Variants in CFAP251 observed in about 807,000 individuals in gnomAD.
CFAP251 encodes cilia and flagella associated protein 251.
Under a neutral mutation model 126.7 loss-of-function variants are expected in CFAP251, and 93 were observed. The observed-to-expected ratio is 0.73, with a 90% CI of 0.62 to 0.87. CFAP251 has a LOEUF of 0.87. Among genes scored for constraint, CFAP251 ranks in the 40% least tolerant of loss-of-function variants. The pLI, the probability that CFAP251 is intolerant of heterozygous loss-of-function variation, is 0.00. For synonymous variants in CFAP251, 503 were observed against 506.9 expected (o/e 0.99, Z 0.10); for missense variants, 1,287 against 1,389.2 (o/e 0.93, Z 1.17).
intron 12 of CFAP251, 122 bp from the exon 13 acceptor site, chr12:121,958,821 G>A (rs780162849): frequency 1.8e-5 from 22 of 1,241,998 alleles, no homozygotes; most frequent in East Asian, 4.7e-5. Context: ...TCATTTCTCC[G>A]CACGGGAGCT....
chr12:121,936,336 A>G (rs1336392280), intron 5 of CFAP251, among the ~76,000 whole-genome samples: 2 of 152,164 alleles, frequency 1.3e-5, no homozygotes, highest in Non-Finnish European at 2.9e-5. Flanking sequence ...AGTCCCAGCT[A>G]CGCGGGAGGC....
At chr12:121,994,977 AT>A (rs201458816) in intron 19 of CFAP251, among the ~76,000 whole-genome samples, 1,707 of 150,198 alleles carry the variant, frequency 0.011, 30 homozygotes, top group African/African-American at 0.038. Context: ...TAAAAAAAAA[AT>A]AATAATCACA....
intron 17 of CFAP251, chr12:121,969,089 C>T: frequency 2.0e-6 from 2 of 985,344 alleles, no homozygotes; most frequent in Non-Finnish European, 2.4e-6. Context: ...CGTTGAGGAG[C>T]AAAAACAGCT....
intron 1 of CFAP251, among the ~76,000 whole-genome samples, chr12:121,920,632 G>A (rs1170787331): frequency 2.0e-5 from 3 of 151,926 alleles, no homozygotes; most frequent in East Asian, 1.9e-4. Flanking sequence ...TCCTGACCTC[G>A]TGATCCACCC....
chr12:121,945,117 A>G (rs1881267650), intron 7 of CFAP251, among the ~76,000 whole-genome samples: 1 of 151,764 alleles, frequency 6.6e-6, no homozygotes. Context: ...CTTCTTGGGT[A>G]TTGTCATCTA....
At chr12:121,966,451 T>TTTA (rs71082920) in intron 15 of CFAP251, among the ~76,000 whole-genome samples, 1 of 122,922 alleles carries the variant, frequency 8.1e-6, no homozygotes, top group Admixed American at 8.6e-5. Context: ...TTTTTTTTTT[T>TTTA]AGTAGAGGTG....
chr12:121,954,645 A>AAAAAAAC (rs1881654889), intron 10 of CFAP251, among the ~76,000 whole-genome samples: 1 of 134,244 alleles, frequency 7.4e-6, no homozygotes, highest in Non-Finnish European at 1.7e-5. Context: ...TTAAAAAAAA[A>AAAAAAAC]AAAAAAAAAA....
chr12:121,938,742 G>T (rs1880988405), intron 5 of CFAP251, among the ~76,000 whole-genome samples: 1 of 151,212 alleles, frequency 6.6e-6, no homozygotes, highest in Admixed American at 6.6e-5. Flanking sequence ...CAGCACTTTG[G>T]GAGGCCGAGG....
At chr12:121,948,776 A>C (rs577403965) in intron 7 of CFAP251, 3 of 392,494 alleles carry the variant, frequency 7.6e-6, no homozygotes. Flanking sequence ...ATAATAGATC[A>C]AACTGGAAAG....
At chr12:121,995,079 C>T (rs1275123253) in intron 19 of CFAP251, among the ~76,000 whole-genome samples, 2 of 152,090 alleles carry the variant, frequency 1.3e-5, no homozygotes, top group African/African-American at 4.8e-5. Context: ...TCAGAAAAGC[C>T]CAATGCATAC....
chr12:121,991,483 C>T (rs900386692), intron 19 of CFAP251, among the ~76,000 whole-genome samples: 2 of 152,054 alleles, frequency 1.3e-5, no homozygotes, highest in African/African-American at 4.8e-5. Context: ...CTTCACGTGA[C>T]CTAGGGACTT....
intron 19 of CFAP251, among the ~76,000 whole-genome samples, chr12:121,984,994 A>G (rs144864363): frequency 3.3e-5 from 5 of 152,312 alleles, no homozygotes; most frequent in Admixed American, 2.6e-4. Context: ...GAATGAATCA[A>G]TGATGCTCAT....
At chr12:121,937,944 G>A (rs1424314814) in intron 5 of CFAP251, among the ~76,000 whole-genome samples, 3 of 152,054 alleles carry the variant, frequency 2.0e-5, no homozygotes, top group Admixed American at 6.6e-5. Flanking sequence ...TTTCTATGGC[G>A]GAATCACAGT....
At chr12:121,985,856 C>T (rs1239092537) in intron 19 of CFAP251, among the ~76,000 whole-genome samples, 4 of 152,078 alleles carry the variant, frequency 2.6e-5, no homozygotes, top group Admixed American at 2.0e-4. Context: ...AAATAAGGCA[C>T]ACCTACAAGT....
intron 19 of CFAP251, among the ~76,000 whole-genome samples, chr12:121,985,586 G>A (rs996589214): frequency 1.3e-5 from 2 of 148,526 alleles, no homozygotes; most frequent in Non-Finnish European, 3.0e-5. Context: ...ACTCACCCAA[G>A]TTTATAATGA....
At chr12:121,929,583 G>T (rs1472518070) in intron 3 of CFAP251, among the ~76,000 whole-genome samples, 1 of 151,878 alleles carries the variant, frequency 6.6e-6, no homozygotes, top group African/African-American at 2.4e-5. Flanking sequence ...CATGTACCCA[G>T]CATTCTAGTA....
chr12:121,970,227 C>T (rs1490554577), intron 17 of CFAP251, among the ~76,000 whole-genome samples: 2 of 152,148 alleles, frequency 1.3e-5, no homozygotes, highest in South Asian at 2.1e-4. Context: ...TTCCGCACGC[C>T]CCTTCTTCTC....
chr12:121,947,892 C>T (rs970624004), intron 7 of CFAP251: 1 of 152,104 alleles, frequency 6.6e-6, no homozygotes, highest in African/African-American at 2.4e-5. Flanking sequence ...TAGTTTACAC[C>T]CCTGTGGTAT....
At chr12:121,967,107 C>T in intron 16 of CFAP251, 38 bp downstream of exon 16, 5 of 1,569,980 alleles carry the variant, frequency 3.2e-6, no homozygotes, top group Non-Finnish European at 4.4e-6. Flanking sequence ...GGAGTTGACT[C>T]TGTGTGTCAT....
Sources: allele counts gnomAD v4.1 joint callset (sites outside exome capture counted in the v4.1 genomes callset), GRCh38; gene constraint gnomAD v4.1.1; transcripts MANE v1.5; gene names NCBI Gene and HGNC (gene_info 2026-07-23, HGNC 2026-07-21).